Variants in ARHGEF4 observed in about 807,000 individuals in gnomAD.
The protein encoded by ARHGEF4 is Rho guanine nucleotide exchange factor 4.
In ARHGEF4, 119 loss-of-function variants were observed where a neutral mutation model predicts 162.0. The ratio of observed to expected loss-of-function variants is 0.73; its 90% CI spans 0.63 to 0.86. The LOEUF is 0.86. Among genes scored for constraint, ARHGEF4 ranks in the 40% least tolerant of loss-of-function variants. The probability of loss-of-function intolerance (pLI) is 0.00; values close to 1 mark genes in which losing one functional copy is unlikely to be tolerated. For missense variants in ARHGEF4, 2,488 were observed against 2,456.0 expected (o/e 1.01, Z -0.28); for synonymous variants, 1,014 against 979.9 (o/e 1.03, Z -0.65).
intron 4 of ARHGEF4, among the ~76,000 whole-genome samples, chr2:131,018,181 T>A (rs972844460): frequency 2.2e-4 from 33 of 152,232 alleles, no homozygotes; most frequent in Admixed American, 2.0e-3. Flanking sequence ...GCCAAACAAG[T>A]ACAGCCAACC....
In ARHGEF4 at chr2:130,917,180, G is replaced by T; in HGVS notation, c.3234G>T (p.Leu1078=). The change falls in exon 2 of 14, where the codon CTG becomes CTT. Residue 1078 remains leucine (L), a synonymous_variant. Transcript: ENST00000409359. ...HTLPSSSACC[L]AYENPGTPCR... ...TGCCTTCCAGCTCTGCCTGCTGCCT[G>T]GCATATGAAAACCCCGGGACGCCCT... The T allele has an allele frequency of 6.4e-7, 1 of 1,550,504 alleles. No homozygotes were observed. The highest frequency in any genetic ancestry group is 2.4e-5 in the East Asian group (1 of 40,896).
Position 131,041,804 on chromosome 2 carries a change from T to C in ARHGEF4, c.4896-11T>C, listed in dbSNP as rs1053362659. On this transcript the variant is annotated splice_polypyrimidine_tract_variant and intron_variant, in intron 9 of 13. Transcript: ENST00000409359. The stretch of plus-strand genomic sequence containing the variant: ...AGCCTGCAGCAGCCTTCCATCTCTG[T>C]TCTGCCCCAGGGACTTCAAGGATGT... 20 of 1,612,300 alleles carry C rather than the reference T, an allele frequency of 1.2e-5. No individual in the cohort carries two copies. Among genetic ancestry groups the C allele is most frequent in the Admixed American group, 5.0e-5 (3 of 59,968 alleles).
chr2:130,952,918 A>G (rs2105166649), intron 4 of ARHGEF4, among the ~76,000 whole-genome samples: 1 of 152,332 alleles, frequency 6.6e-6, no homozygotes, highest in East Asian at 1.9e-4. Context: ...ATACAAACAA[A>G]TGGAAGAACA....
At chr2:130,932,318 C>A (rs1340059895) in intron 3 of ARHGEF4, among the ~76,000 whole-genome samples, 1 of 152,178 alleles carries the variant, frequency 6.6e-6, no homozygotes, top group Non-Finnish European at 1.5e-5. Context: ...TCCTGAGTAG[C>A]TCTTCATCCA....
chr2:130,848,541 C>T (rs1020698475), intron 1 of ARHGEF4, among the ~76,000 whole-genome samples: 11 of 152,306 alleles, frequency 7.2e-5, no homozygotes, highest in Admixed American at 2.6e-4. Context: ...TGTGCAGGCA[C>T]CTCCTGCGTG....
intron 4 of ARHGEF4, among the ~76,000 whole-genome samples, chr2:130,987,870 G>C (rs139857836): frequency 6.6e-6 from 1 of 152,172 alleles, no homozygotes; most frequent in Non-Finnish European, 1.5e-5. Flanking sequence ...TTTAAGAGAC[G>C]TCTTGGGAGC....
chr2:130,840,062 A>G (rs149155896), intron 1 of ARHGEF4, among the ~76,000 whole-genome samples: 2 of 151,938 alleles, frequency 1.3e-5, no homozygotes, highest in African/African-American at 2.4e-5. Flanking sequence ...AGGGAAGCCA[A>G]CCTACTTCCG....
At position 130,916,146 on chromosome 2, in the gene ARHGEF4, GGA is replaced by G; in HGVS notation, c.2207_2208del (p.Arg736ThrfsTer73). On this transcript the variant is annotated frameshift_variant, in exon 2 of 14. Transcript: ENST00000409359. LOFTEE classifies it high-confidence loss of function. ...GACGCCGAGCACAGAGGAGCCCCCG[GGA>G]GAGAGACTGCGTGGGGAGAGCCGGA... ...EETPSTEEPP[G>X]ERLRGESRSS... 1 of 1,549,240 alleles carries G rather than the reference GGA, an allele frequency of 6.5e-7. No homozygotes were observed. The highest frequency in any genetic ancestry group is 8.7e-7 in the Non-Finnish European group (1 of 1,146,872).
At position 130,988,931 on chromosome 2, in the gene ARHGEF4, GAGAGAA is replaced by G. The variant is rs1200550683; in HGVS notation, c.3986-39010_3986-39005del. Among the ~76,000 whole-genome samples, 347 of 147,016 alleles carry G rather than the reference GAGAGAA, an allele frequency of 2.4e-3. 1 individual carries two copies. The highest frequency in any genetic ancestry group is 8.4e-3 in the African/African-American group (334 of 39,578). ...AGAGAGAGAGAGAGAGAGAGAGAGA[GAGAGAA>G]AGATTCCAAAAATATAATTATTTTC... On this transcript the variant is annotated intron_variant, in intron 4 of 13. Transcript: ENST00000409359.
chr2:131,046,409 C>T lies in ARHGEF4; in HGVS notation c.*220C>T. The T allele has an allele frequency of 3.6e-6, 2 of 561,224 alleles. No homozygotes were observed. The highest frequency in any genetic ancestry group is 4.7e-5 in the South Asian group (2 of 42,724). 34.8% of individuals were successfully genotyped at this position (561,224 alleles called of 1,614,324 possible). On this transcript the variant is annotated 3_prime_UTR_variant, in exon 14 of 14. Coordinates refer to ENST00000409359, the MANE Select transcript of ARHGEF4 (RefSeq NM_001367493.1). ...GACCAGCAAGGGGGCAGACCCCGCA[C>T]TCGCCACACCGCCGCTGCAGCTTGG...
At chr2:130,847,284 T>C (rs1256700919) in intron 1 of ARHGEF4, among the ~76,000 whole-genome samples, 2 of 152,196 alleles carry the variant, frequency 1.3e-5, no homozygotes, top group Non-Finnish European at 2.9e-5. Flanking sequence ...CAGGGGCGTC[T>C]CCTGCTTCCT....
chr2:130,933,110 G>A (rs1160864067), intron 3 of ARHGEF4, among the ~76,000 whole-genome samples: 1 of 152,006 alleles, frequency 6.6e-6, no homozygotes, highest in African/African-American at 2.4e-5. Flanking sequence ...AGCTACTCGG[G>A]AGGTTGAGGT....
At chr2:131,044,571 C>T in intron 12 of ARHGEF4, 29 bp downstream of exon 12, 5 of 1,537,122 alleles carry the variant, frequency 3.3e-6, no homozygotes, top group Non-Finnish European at 4.4e-6. Flanking sequence ...CCTTGCCCCG[C>T]CCCCAGGGCC....
intron 11 of ARHGEF4, 170 bp downstream of exon 11, chr2:131,043,753 C>T (rs964358679): frequency 1.2e-6 from 1 of 841,662 alleles, no homozygotes; most frequent in Admixed American, 2.7e-5. Context: ...AGCCTGGTGG[C>T]CCAGGAGCAG....
At chr2:130,923,904 G>A (rs1295230491) in intron 2 of ARHGEF4, among the ~76,000 whole-genome samples, 12 of 142,950 alleles carry the variant, frequency 8.4e-5, no homozygotes, top group African/African-American at 2.5e-4. Context: ...TTTTTGAGAC[G>A]GAGTCTTGCT....
chr2:131,043,297 G>A (rs1370569345), intron 10 of ARHGEF4, among the ~76,000 whole-genome samples, 155 bp from the exon 11 acceptor site: 6 of 152,130 alleles, frequency 3.9e-5, no homozygotes, highest in South Asian at 2.1e-4. Context: ...CAGGCCAGAC[G>A]TGCCACCTCT....
At chr2:130,919,047 G>A (rs1681707533) in intron 2 of ARHGEF4, among the ~76,000 whole-genome samples, 1 of 152,166 alleles carries the variant, frequency 6.6e-6, no homozygotes, top group African/African-American at 2.4e-5. Flanking sequence ...ACACCGCGGG[G>A]TCAGACATAC....
intron 1 of ARHGEF4, among the ~76,000 whole-genome samples, chr2:130,850,543 TC>T (rs969454666): frequency 6.6e-6 from 1 of 151,716 alleles, no homozygotes; most frequent in East Asian, 2.0e-4. Context: ...GCCCAACACC[TC>T]CCCCCTGCAA....
chr2:130,914,294 G>A lies in ARHGEF4; in HGVS notation c.348G>A (p.Glu116=). ...PDVSATGPPQ[E]QHLTSVPGLH... is the part of the protein sequence containing the mutation. ...TCTCAGCAACTGGACCCCCTCAGGA[G>A]CAGCATTTGACCAGTGTTCCTGGGC... is the stretch of plus-strand genomic sequence containing the variant. The change falls in exon 2 of 14, where the codon GAG becomes GAA. Residue 116 remains glutamate, a synonymous_variant. Transcript: ENST00000409359. The A allele has an allele frequency of 3.3e-6, 5 of 1,517,666 alleles. No individual in the cohort carries two copies. The highest frequency in any genetic ancestry group is 3.5e-6 in the Non-Finnish European group (4 of 1,136,320). The allele number at this position is 1,517,666 out of a possible 1,614,324, so 94.0% of individuals were successfully genotyped here. A position where few individuals can be genotyped will look rare whatever the true frequency, so the allele number is the denominator to read the frequency against.
Sources: gnomAD v4.1 joint callset for allele counts (sites outside exome capture counted in the v4.1 genomes callset) on GRCh38, gnomAD v4.1.1 for gene constraint, MANE v1.5 for transcripts, NCBI Gene and HGNC (gene_info 2026-07-23, HGNC 2026-07-21) for gene names.